Variants in KRT33B observed in about 807,000 individuals in gnomAD.
KRT33B encodes keratin 33B.
KRT33B carries 37 observed loss-of-function variants against 42.7 expected under a neutral mutation model. The observed-to-expected ratio is 0.87, with a 90% CI of 0.67 to 1.14. The LOEUF (loss-of-function observed/expected upper bound fraction) is 1.14. Among genes scored for constraint, KRT33B ranks in the 50% most tolerant of loss-of-function variants. KRT33B has a pLI of 0.00. For missense variants in KRT33B, 523 were observed against 515.1 expected (o/e 1.02, Z -0.15); for synonymous variants, 237 against 221.2 (o/e 1.07, Z -0.63).
At chr17:41,368,440 G>T (rs1268704150) in intron 1 of KRT33B, among the ~76,000 whole-genome samples, 1 of 151,184 alleles carries the variant, frequency 6.6e-6, no homozygotes, top group Non-Finnish European at 1.5e-5. Context: ...TACCCAGAAT[G>T]CCCTCACCCA....
In KRT33B at chr17:41,365,567, G is replaced by C; in HGVS notation, c.589-14C>G. 1 of 1,607,464 alleles carries C rather than the reference G, an allele frequency of 6.2e-7. No individual in the cohort carries two copies. Among genetic ancestry groups the C allele is most frequent in the East Asian group, 2.2e-5 (1 of 44,852 alleles). On this transcript the variant is annotated splice_polypyrimidine_tract_variant and intron_variant, in intron 3 of 6. Coordinates refer to ENST00000251646, the MANE Select transcript of KRT33B (RefSeq NM_002279.5). ...GGTGTTGACTTCCTAATGGAGAAAA[G>C]GGAAGAAATAAACCCACAGAAAGAA...
chr17:41,365,343 G>A (rs1271211724), intron 4 of KRT33B, 43 bp from the exon 5 acceptor site: 3 of 1,609,810 alleles, frequency 1.9e-6, no homozygotes, highest in Admixed American at 1.7e-5. Flanking sequence ...CTGCCTCCGG[G>A]GCCCTGGGGG....
chr17:41,368,033 G>A, intron 1 of KRT33B, 43 bp from the exon 2 acceptor site: 2 of 1,567,524 alleles, frequency 1.3e-6, no homozygotes, highest in Non-Finnish European at 1.8e-6. Context: ...ACTAAGAAAT[G>A]CCTTGTGCCT....
Position 41,366,458 on chromosome 17 carries a change from T to C in KRT33B, c.588+12A>G. The C allele has an allele frequency of 1.9e-6, 3 of 1,611,638 alleles. No individual in the cohort carries two copies. The highest frequency in any genetic ancestry group is 2.5e-6 in the Non-Finnish European group (3 of 1,179,964). On this transcript the variant is annotated intron_variant, in intron 3 of 6. Transcript: ENST00000251646. The stretch of plus-strand genomic sequence containing the variant: ...CTCTCAGTATTGGGATATTGGGGGC[T>C]GGGACTCTTACCTGCTCATGGTTCT...
At chr17:41,367,164 A>G (rs1172649978) in intron 2 of KRT33B, among the ~76,000 whole-genome samples, 1 of 151,448 alleles carries the variant, frequency 6.6e-6, no homozygotes, top group Non-Finnish European at 1.5e-5. Flanking sequence ...ATTATGTTGT[A>G]AAATGTAAGA....
intron 6 of KRT33B, 92 bp from the exon 7 acceptor site, chr17:41,364,045 C>T (rs1238400865): frequency 1.9e-5 from 17 of 874,238 alleles, no homozygotes; most frequent in South Asian, 5.0e-5. Context: ...AAGCAGAACC[C>T]GTTCTCTGAT....
In KRT33B at chr17:41,367,983, C is replaced by T; in HGVS notation, c.356G>A (p.Cys119Tyr). 3 of 1,613,036 alleles carry T rather than the reference C, an allele frequency of 1.9e-6. No individual in the cohort carries two copies. The highest frequency in any genetic ancestry group is 2.2e-5 in the East Asian group (1 of 44,892). ...TIEELQQKIL[C>Y]SKSENARLVV... Reference sequence around the variant, plus strand: ...CAGCCTGGCATTCTCAGACTTGCTGCACAGGATCTGGGGATAGGATTAATC... The same window carrying T: ...CAGCCTGGCATTCTCAGACTTGCTGTACAGGATCTGGGGATAGGATTAATC... The change falls in exon 2 of 7, where the codon TGC becomes TAC. Residue 119 changes from cysteine to tyrosine, a missense_variant. Transcript: ENST00000251646.
Position 41,364,892 on chromosome 17 carries a change from G to T in KRT33B, c.984C>A (p.Ile328=). The change falls in exon 6 of 7, where the codon ATC becomes ATA. Residue 328 remains isoleucine (I), a synonymous_variant. Transcript: ENST00000251646. ...ITNVESQLAE[I]RSDLERQNQE... ...GGTTCTGCCGCTCCAGGTCACTGCGGATCTCCGCCAGCTGGGACTCCACGT... is the reference window on the plus strand; with the variant it reads ...GGTTCTGCCGCTCCAGGTCACTGCGTATCTCCGCCAGCTGGGACTCCACGT... 1 of 1,613,316 alleles carries T rather than the reference G, an allele frequency of 6.2e-7. No individual in the cohort carries two copies. The highest frequency in any genetic ancestry group is 8.5e-7 in the Non-Finnish European group (1 of 1,180,046).
At position 41,365,836 on chromosome 17, in the gene KRT33B, T is replaced by C. The variant is rs138002751; in HGVS notation, c.589-283A>G. On this transcript the variant is annotated intron_variant, in intron 3 of 6. Transcript: ENST00000251646. ...CTCAGTGATAAGCCTGGCATGATAA[T>C]TGGCTTACAATTGTTGCTACTTAAA... is the stretch of plus-strand genomic sequence containing the variant. Among the ~76,000 whole-genome samples the C allele has an allele frequency of 3.9e-4, 59 of 151,514 alleles. 10 individuals carry two copies. Among genetic ancestry groups the C allele is most frequent in the African/African-American group, 1.4e-3 (59 of 40,786 alleles).
rs2017677166 is a variant in KRT33B, at chr17:41,365,000, C to T, written c.877-1G>A. On this transcript the variant is annotated splice_acceptor_variant, in intron 5 of 6. Coordinates refer to ENST00000251646, the MANE Select transcript of KRT33B (RefSeq NM_002279.5). LOFTEE classifies it high-confidence loss of function. ...TCAGCGTGTTTTCCAGAGAGTATCG[C>T]TGTGGTGGGAAAGATCAGGAATGTC... The T allele has an allele frequency of 6.2e-7, 1 of 1,613,106 alleles. No individual in the cohort carries two copies. The highest frequency in any genetic ancestry group is 1.4e-5 in the African/African-American group (1 of 74,016).
Position 41,365,285 on chromosome 17 carries a change from T to A in KRT33B, c.766A>T (p.Lys256Ter). 2 of 1,612,586 alleles carry A rather than the reference T, an allele frequency of 1.2e-6. No individual in the cohort carries two copies. Among genetic ancestry groups the A allele is most frequent in the Non-Finnish European group, 1.7e-6 (2 of 1,180,012 alleles). Residue 256 changes from lysine (K) to a stop codon, truncating the protein, a stop_gained, in exon 5 of 7, where the codon AAG becomes TAG. Transcript: ENST00000251646. LOFTEE classifies it high-confidence loss of function. Reference protein sequence around the residue: ...WFATQTEELNKQVVSSSEQLQ... With the variant: ...WFATQTEELN ...TGCTCCGAGCTGGATACCACCTGCTTGTTCAGCTCCTCGGTCTGAAACACC... is the reference window on the plus strand; with the variant it reads ...TGCTCCGAGCTGGATACCACCTGCTAGTTCAGCTCCTCGGTCTGAAACACC...
chr17:41,366,751 G>A (rs112847126), intron 2 of KRT33B, 125 bp from the exon 3 acceptor site: 1 of 963,424 alleles, frequency 1.0e-6, no homozygotes, highest in Non-Finnish European at 1.5e-6. Flanking sequence ...AAAATTAAGG[G>A]AGAAAATACT....
intron 2 of KRT33B, among the ~76,000 whole-genome samples, chr17:41,366,875 T>C (rs2017708534): frequency 6.6e-6 from 1 of 151,272 alleles, no homozygotes; most frequent in Non-Finnish European, 1.5e-5. Context: ...AAGACTCTCG[T>C]TTACAAGTTA....
rs768764756 is a variant in KRT33B, at chr17:41,366,480, T to C, written c.578A>G (p.Asn193Ser). The change falls in exon 3 of 7, where the codon AAC becomes AGC. Residue 193 changes from asparagine to serine, a missense_variant. Coordinates refer to ENST00000251646, the MANE Select transcript of KRT33B (RefSeq NM_002279.5). ...LKEELLSLKQ[N>S]HEQEVNTLRC... ...GGCTGGGACTCTTACCTGCTCATGG[T>C]TCTGCTTGAGGGACAGCAGCTCCTC... 3 of 1,612,378 alleles carry C rather than the reference T, an allele frequency of 1.9e-6. No homozygotes were observed. The highest frequency in any genetic ancestry group is 2.5e-6 in the Non-Finnish European group (3 of 1,180,038).
intron 6 of KRT33B, among the ~76,000 whole-genome samples, 173 bp downstream of exon 6, chr17:41,364,605 CT>C (rs2017669152): frequency 6.6e-6 from 1 of 151,570 alleles, no homozygotes; most frequent in Admixed American, 6.5e-5. Context: ...AAGAAAGTAT[CT>C]TTAGCCCAGA....
intron 2 of KRT33B, among the ~76,000 whole-genome samples, chr17:41,367,264 C>A (rs148666821): frequency 6.6e-6 from 1 of 151,498 alleles, no homozygotes; most frequent in Admixed American, 6.5e-5. Context: ...TGGATTTTGC[C>A]TCCTGTTTTT....
intron 5 of KRT33B, 53 bp from the exon 6 acceptor site, chr17:41,365,052 C>T (rs1395472070): frequency 1.9e-6 from 3 of 1,609,366 alleles, no homozygotes; most frequent in Non-Finnish European, 2.5e-6. Flanking sequence ...TAGGGTTCCT[C>T]CATGGGGTTC....
chr17:41,368,848 A>G (rs551232052), intron 1 of KRT33B, among the ~76,000 whole-genome samples: 1 of 150,920 alleles, frequency 6.6e-6, no homozygotes, highest in East Asian at 1.9e-4. Context: ...TTCTCTGTGG[A>G]CTCTTTACTT....
intron 6 of KRT33B, 143 bp from the exon 7 acceptor site, chr17:41,364,096 A>G (rs2017661978): frequency 1.7e-6 from 1 of 604,050 alleles, no homozygotes; most frequent in African/African-American, 1.9e-5. Context: ...CTCCTTCTAC[A>G]GAGTTCTGAT....
Sources: gnomAD v4.1 joint callset for allele counts (sites outside exome capture counted in the v4.1 genomes callset) on GRCh38, gnomAD v4.1.1 for gene constraint, MANE v1.5 for transcripts, NCBI Gene and HGNC (gene_info 2026-07-23, HGNC 2026-07-21) for gene names.